Variants in DNAH10 observed in about 807,000 individuals in gnomAD.
The protein encoded by DNAH10 is axonemal beta dynein heavy chain 10.
A neutral mutation model predicts 506.6 loss-of-function variants in DNAH10; 348 were observed. The ratio of observed to expected loss-of-function variants is 0.69; its 90% CI spans 0.63 to 0.75. DNAH10 has a LOEUF of 0.75. DNAH10 is among the 30% of genes least tolerant of loss of function. DNAH10 has a pLI of 0.00. For synonymous variants in DNAH10, 2,059 were observed against 2,198.6 expected (o/e 0.94, Z 1.78); for missense variants, 5,179 against 5,787.1 (o/e 0.89, Z 3.41).
intron 52 of DNAH10, among the ~76,000 whole-genome samples, chr12:123,889,382 G>A (rs1055267157): frequency 7.9e-5 from 12 of 152,306 alleles, no homozygotes; most frequent in African/African-American, 2.9e-4. Context: ...TGGGTTGTCG[G>A]CTCCTTGAGA....
intron 1 of DNAH10, among the ~76,000 whole-genome samples, chr12:123,765,278 A>G (rs1006144484): frequency 7.9e-5 from 12 of 152,190 alleles, no homozygotes; most frequent in Non-Finnish European, 1.6e-4. Context: ...ATCGTACTGT[A>G]CATATCATTT....
Position 123,907,227 on chromosome 12 carries a change from G to A in DNAH10, c.9816-2034G>A, listed in dbSNP as rs913546125. ...TGACCTAGTCATGGTCATGGAGGGC[G>A]GAGGGGGCACCTTCTCTGAGATTGC... is the stretch of plus-strand genomic sequence containing the variant. On this transcript the variant is annotated intron_variant, in intron 57 of 78. Coordinates refer to ENST00000673944, the MANE Select transcript of DNAH10 (RefSeq NM_001372106.1). The surrounding 1 kb of genome is among the most constrained non-coding windows in gnomAD (Gnocchi z 4.4). Among the ~76,000 whole-genome samples the A allele has an allele frequency of 2.6e-5, 4 of 152,230 alleles. No individual in the cohort carries two copies. Among genetic ancestry groups the A allele is most frequent in the African/African-American group, 7.2e-5 (3 of 41,460 alleles).
rs1193203790 is a variant in DNAH10, at chr12:123,935,536, ATC to A, written c.*56_*57del. 3.1e-5 allele frequency: 47 copies of A among 1,540,868 alleles called. No individual in the cohort carries two copies. In the East Asian group the frequency reaches 1.1e-3, roughly 35 times the overall value. ...TTCGGAGCCTGGGGTTGTCAGAGTG[ATC>A]GGGTCTGCTGTCATTTCTTGGGGCC... On this transcript the variant is annotated 3_prime_UTR_variant, in exon 79 of 79. Transcript: ENST00000673944.
chr12:123,800,540 G>C lies in DNAH10; in HGVS notation c.2462+152G>C, dbSNP rs562506958. On this transcript the variant is annotated intron_variant, in intron 15 of 78. Coordinates refer to ENST00000673944, the MANE Select transcript of DNAH10 (RefSeq NM_001372106.1). ...TACCACATTAGAAATTGAAGCTAAG[G>C]CCTGGGCGTTGTGGTGCTACCTGTA... is the stretch of plus-strand genomic sequence containing the variant. 8 of 823,530 alleles carry C rather than the reference G, an allele frequency of 9.7e-6. No homozygotes were observed. In the Admixed American group the frequency reaches 2.1e-4, roughly 21 times the overall value. 51.0% of individuals were successfully genotyped at this position (823,530 alleles called of 1,614,324 possible). A position where few individuals can be genotyped will look rare whatever the true frequency, so the allele number is the denominator to read the frequency against.
chr12:123,877,699 A>C, intron 47 of DNAH10, 37 bp from the exon 48 acceptor site: 1 of 1,557,210 alleles, frequency 6.4e-7, no homozygotes, highest in Non-Finnish European at 8.7e-7. Context: ...ACTGAAGGAC[A>C]TTTGTGTGTT....
In DNAH10 at chr12:123,853,115, C is replaced by A; in HGVS notation, c.6292-91C>A. ...AGCAGCTGCACTGGAACACCTGCCCCCGTTTTCTTGCATTTGTAGAATGAT... is the reference window on the plus strand; with the variant it reads ...AGCAGCTGCACTGGAACACCTGCCCACGTTTTCTTGCATTTGTAGAATGAT... On this transcript the variant is annotated intron_variant, in intron 35 of 78. Coordinates refer to ENST00000673944, the MANE Select transcript of DNAH10 (RefSeq NM_001372106.1). This position sits in a 1 kb window ranked among gnomAD's most constrained non-coding sequence, Gnocchi z 4.7. 1.5e-6 allele frequency: 2 copies of A among 1,330,290 alleles called. No homozygotes were observed. Among genetic ancestry groups the A allele is most frequent in the East Asian group, 2.6e-5 (1 of 38,742 alleles). The allele number at this position is 1,330,290 out of a possible 1,614,324, so 82.4% of individuals were successfully genotyped here. A position where few individuals can be genotyped will look rare whatever the true frequency, so the allele number is the denominator to read the frequency against.
chr12:123,859,173 C>G lies in DNAH10; in HGVS notation c.6654C>G (p.Phe2218Leu), dbSNP rs142142817. The G allele has an allele frequency of 1.9e-6, 3 of 1,610,774 alleles. No individual in the cohort carries two copies. The highest frequency in any genetic ancestry group is 2.2e-5 in the South Asian group (2 of 90,106). The change falls in exon 38 of 79, where the codon TTC becomes TTG. Residue 2218 changes from phenylalanine (F) to leucine (L), a missense_variant. By Grantham distance (22) the Phe-to-Leu change is conservative. Around this residue, in one of 3 missense-constraint regions of DNAH10, gnomAD observed 4,844 missense variants for 5,430.5 expected, o/e 0.89. Transcript: ENST00000673944. ...AGGTGGATAAAGTGGTTCAAATGTT[C>G]GAGACCATGTTAACCCGCCACACGA... Reference protein sequence around the residue: ...PIQVDKVVQMFETMLTRHTTM... With the variant: ...PIQVDKVVQMLETMLTRHTTM...
intron 10 of DNAH10, 113 bp from the exon 11 acceptor site, chr12:123,789,814 G>A (rs555173830): frequency 4.1e-6 from 4 of 983,786 alleles, no homozygotes; most frequent in South Asian, 1.6e-5. Flanking sequence ...GGAGGTTACT[G>A]TGTGACATGA....
Position 123,893,320 on chromosome 12 carries a change from C to T in DNAH10, c.9083C>T (p.Pro3028Leu), listed in dbSNP as rs373233543. ...GQEALKQGMG[P>L]AKESVWQYFV... The stretch of plus-strand genomic sequence containing the variant: ...GAAGCTCTGAAGCAAGGCATGGGGC[C>T]GGCCAAGGAGTCTGTGTGGCAGTAC... Residue 3028 changes from proline (P) to leucine (L), a missense_variant, in exon 53 of 79, where the codon CCG (proline) becomes CTG (leucine). Coordinates refer to ENST00000673944, the MANE Select transcript of DNAH10 (RefSeq NM_001372106.1). The T allele has an allele frequency of 6.1e-5, 98 of 1,613,904 alleles. No individual in the cohort carries two copies. The highest frequency in any genetic ancestry group is 7.3e-5 in the Non-Finnish European group (86 of 1,179,906).
At position 123,898,530 on chromosome 12, in the gene DNAH10, CAT is replaced by C. The variant is rs1298819190; in HGVS notation, c.9479-122_9479-121del. ...GTATGGCAGTGGAGGTACTGAAAGA[CAT>C]GTGCCATCTTGTAAAAATGTTTTGT... is the stretch of plus-strand genomic sequence containing the variant. On this transcript the variant is annotated intron_variant, in intron 55 of 78. Coordinates refer to ENST00000673944, the MANE Select transcript of DNAH10 (RefSeq NM_001372106.1). The C allele has an allele frequency of 4.5e-5, 56 of 1,250,112 alleles. No homozygotes were observed. The East Asian group carries it at 1.2e-3, about 27-fold the overall frequency. The allele number at this position is 1,250,112 out of a possible 1,614,324, so 77.4% of individuals were successfully genotyped here.
At chr12:123,772,990 T>G in intron 4 of DNAH10, 48 bp downstream of exon 4, 1 of 1,299,932 alleles carries the variant, frequency 7.7e-7, no homozygotes, top group Non-Finnish European at 1.1e-6. Context: ...GGGGTGTGGT[T>G]GTGCATGCAC....
Position 123,847,951 on chromosome 12 carries a change from C to A in DNAH10, c.5815-10C>A, listed in dbSNP as rs1462816244. On this transcript the variant is annotated splice_polypyrimidine_tract_variant and intron_variant, in intron 32 of 78. Coordinates refer to ENST00000673944, the MANE Select transcript of DNAH10 (RefSeq NM_001372106.1). The stretch of plus-strand genomic sequence containing the variant: ...CAGAAAACATATGTTTTGCATTTGG[C>A]TTATAACAGGCGCTGTCCATGTATC... 1 of 1,599,592 alleles carries A rather than the reference C, an allele frequency of 6.3e-7. No individual in the cohort carries two copies. Among genetic ancestry groups the A allele is most frequent in the Non-Finnish European group, 8.5e-7 (1 of 1,174,254 alleles).
chr12:123,910,332 C>A lies in DNAH10; in HGVS notation c.9998-204C>A, dbSNP rs549573002. Among the ~76,000 whole-genome samples, 82 of 152,326 alleles carry A rather than the reference C, an allele frequency of 5.4e-4. 1 individual carries two copies. Among genetic ancestry groups the A allele is most frequent in the African/African-American group, 1.8e-3 (76 of 41,566 alleles). ...CACCTGCGTCCTGGGTGGCAGTAAACCATGTCCCTTGCCCACATCTGAAAC... is the reference window on the plus strand; with the variant it reads ...CACCTGCGTCCTGGGTGGCAGTAAAACATGTCCCTTGCCCACATCTGAAAC... On this transcript the variant is annotated intron_variant, in intron 58 of 78. Coordinates refer to ENST00000673944, the MANE Select transcript of DNAH10 (RefSeq NM_001372106.1).
intron 48 of DNAH10, 46 bp downstream of exon 48, chr12:123,877,954 G>GT: frequency 6.3e-7 from 1 of 1,584,118 alleles, no homozygotes; most frequent in Non-Finnish European, 8.6e-7. Flanking sequence ...AGGTATGATA[G>GT]TTTTCTTATT....
chr12:123,935,287 T>G, intron 78 of DNAH10, 48 bp from the exon 79 acceptor site: 1 of 1,587,082 alleles, frequency 6.3e-7, no homozygotes, highest in Non-Finnish European at 8.6e-7. Context: ...CCTTTATCCC[T>G]CTGCACCCTC....
chr12:123,882,941 T>C (rs1027978971), intron 51 of DNAH10, among the ~76,000 whole-genome samples: 1 of 152,236 alleles, frequency 6.6e-6, no homozygotes, highest in African/African-American at 2.4e-5. Context: ...TCTGTCTCTA[T>C]AGTCTTCCTA....
At position 123,767,697 on chromosome 12, in the gene DNAH10, G is replaced by T. The variant is rs201895659; in HGVS notation, c.298+8G>T. Reference sequence around the variant, plus strand: ...CCGTGGATAAAGTGCGAGGTGTGGAGTTGGGAGGGGTCATGGGAGGGTGGA... The same window carrying T: ...CCGTGGATAAAGTGCGAGGTGTGGATTTGGGAGGGGTCATGGGAGGGTGGA... On this transcript the variant is annotated splice_region_variant and intron_variant, in intron 2 of 78. Transcript: ENST00000673944. 33 of 1,608,232 alleles carry T rather than the reference G, an allele frequency of 2.1e-5. No homozygotes were observed. The Admixed American group carries it at 5.2e-4, about 26-fold the overall frequency.
At chr12:123,934,294 C>T (rs1159042492) in intron 77 of DNAH10, 2 of 690,672 alleles carry the variant, frequency 2.9e-6, no homozygotes, top group Non-Finnish European at 5.3e-6. Flanking sequence ...TGGGACCATG[C>T]ATCTTTCTAG....
chr12:123,931,462 G>A lies in DNAH10; in HGVS notation c.12906G>A (p.Gln4302=). 6.2e-7 allele frequency: 1 copy of A among 1,613,696 alleles called. No individual in the cohort carries two copies. Among genetic ancestry groups the A allele is most frequent in the South Asian group, 1.1e-5 (1 of 91,044 alleles). ...RDMWAHLLEL[Q]PQTGESSSGI... ...TGTGGGCTCACCTGCTGGAGCTGCA[G>A]CCTCAGACAGGTAAACTCTACTCAG... The change falls in exon 74 of 79, where the codon CAG becomes CAA. Residue 4302 remains glutamine (Q), a synonymous_variant. Transcript: ENST00000673944.
Sources: gnomAD v4.1 joint callset for allele counts (sites outside exome capture counted in the v4.1 genomes callset) on GRCh38, gnomAD v4.1.1 for gene constraint, gnomAD v4.1.1 regional missense constraint, Gnocchi (gnomAD v3.1) non-coding constraint, MANE v1.5 for transcripts, NCBI Gene and HGNC (gene_info 2026-07-23, HGNC 2026-07-21) for gene names.